Variants in XKR4 observed in about 807,000 individuals in gnomAD.
XKR4 encodes XK related 4.
Under a neutral mutation model 53.9 loss-of-function variants are expected in XKR4, and 12 were observed. That is an observed-to-expected ratio of 0.22 (90% confidence interval 0.14 to 0.36). The LOEUF is 0.36. Among genes scored for constraint, XKR4 ranks in the 10% least tolerant of loss-of-function variants. XKR4 has a pLI of 1.00. For missense variants in XKR4, 799 were observed against 859.5 expected (o/e 0.93, Z 0.88); for synonymous variants, 354 against 362.4 (o/e 0.98, Z 0.26).
chr8:55,297,523 T>G (rs547206174), intron 1 of XKR4, among the ~76,000 whole-genome samples: 5 of 152,296 alleles, frequency 3.3e-5, no homozygotes, highest in African/African-American at 1.2e-4. Flanking sequence ...CAGGGTGGCA[T>G]ATAATCTGGC....
intron 1 of XKR4, among the ~76,000 whole-genome samples, chr8:55,316,451 T>C (rs1254537480): frequency 6.6e-6 from 1 of 152,218 alleles, no homozygotes; most frequent in Non-Finnish European, 1.5e-5. Context: ...ATATACTCCT[T>C]TTGTCAAAGG....
chr8:55,142,360 A>G (rs1355530122), intron 1 of XKR4: 1 of 355,096 alleles, frequency 2.8e-6, no homozygotes, highest in Non-Finnish European at 5.6e-6. Flanking sequence ...ATCCTGATTA[A>G]CGGTCTGTCC....
chr8:55,338,724 G>A (rs1031382974), intron 1 of XKR4, among the ~76,000 whole-genome samples: 2 of 152,160 alleles, frequency 1.3e-5, no homozygotes, highest in Admixed American at 1.3e-4. Context: ...AAAGAGAACC[G>A]AGAGGACACA....
intron 1 of XKR4, among the ~76,000 whole-genome samples, chr8:55,134,951 AT>A (rs11301687): frequency 0.85 from 127,901 of 149,868 alleles, 54,558 homozygotes; most frequent in East Asian, 0.95. Context: ...GAGAAGCTGG[AT>A]TTTTTTTTTT....
rs192415783 is a variant in XKR4, at chr8:55,521,682, G to T, written c.1007-1599G>T. ...GAAAATATTTTCCTTATCAATAATT[G>T]TTCTTTGGAGTTCACCTTACTCAAC... is the stretch of plus-strand genomic sequence containing the variant. On this transcript the variant is annotated intron_variant, in intron 2 of 2. Coordinates refer to ENST00000327381, the MANE Select transcript of XKR4 (RefSeq NM_052898.2). Among the ~76,000 whole-genome samples, 1,016 of 152,310 alleles carry T rather than the reference G, an allele frequency of 6.7e-3. 10 individuals carry two copies. The highest frequency in any genetic ancestry group is 6.8e-3 in the Middle Eastern group (2 of 294).
chr8:55,454,653 C>A, intron 2 of XKR4: 1 of 1,022,662 alleles, frequency 9.8e-7, no homozygotes, highest in Non-Finnish European at 1.5e-6. Context: ...TGCACGTCAG[C>A]AGGTTCCCAA....
intron 1 of XKR4, among the ~76,000 whole-genome samples, chr8:55,302,542 G>A (rs1343689005): frequency 9.2e-5 from 14 of 152,162 alleles, no homozygotes; most frequent in Non-Finnish European, 5.9e-5. Context: ...GAAAGTCATT[G>A]GTAGCTTGAT....
At chr8:55,305,870 A>G (rs553171355) in intron 1 of XKR4, among the ~76,000 whole-genome samples, 50 of 152,148 alleles carry the variant, frequency 3.3e-4, no homozygotes, top group African/African-American at 1.2e-3. Flanking sequence ...ACTCTTTCCT[A>G]CCCCCAATTA....
At chr8:55,441,239 C>CA (rs1353404392) in intron 2 of XKR4, among the ~76,000 whole-genome samples, 4 of 143,140 alleles carry the variant, frequency 2.8e-5, no homozygotes, top group African/African-American at 1.0e-4. Context: ...GACCCTGTCT[C>CA]AAGAAAAAAC....
intron 2 of XKR4, among the ~76,000 whole-genome samples, chr8:55,447,250 T>C (rs1276590199): frequency 6.6e-6 from 1 of 152,086 alleles, no homozygotes; most frequent in East Asian, 1.9e-4. Context: ...TAGAAACCAT[T>C]CTATGTGGCA....
intron 1 of XKR4, among the ~76,000 whole-genome samples, chr8:55,113,224 G>A (rs1257747328): frequency 1.3e-5 from 2 of 152,214 alleles, no homozygotes; most frequent in Non-Finnish European, 2.9e-5. Context: ...TAACAAGCAT[G>A]TCCAAATACT....
In XKR4 at chr8:55,438,699, T is replaced by C. The variant is rs762405583; in HGVS notation, c.1006+80822T>C. Among the ~76,000 whole-genome samples, 5 of 151,764 alleles carry C rather than the reference T, an allele frequency of 3.3e-5. No homozygotes were observed. The South Asian group carries it at 1.0e-3, about 32-fold the overall frequency. On this transcript the variant is annotated intron_variant, in intron 2 of 2. Transcript: ENST00000327381. ...TGGTGATCTTCTATGCCTGACAATA[T>C]GGCTTATTATATAAAGAAAGAAAAC...
chr8:55,451,103 T>A, intron 2 of XKR4: 1 of 515,724 alleles, frequency 1.9e-6, no homozygotes, highest in Non-Finnish European at 3.5e-6. Flanking sequence ...TGAGCTGGCC[T>A]TTGTCCCCGA....
intron 2 of XKR4, among the ~76,000 whole-genome samples, chr8:55,477,759 C>A (rs1000744810): frequency 2.6e-5 from 4 of 152,030 alleles, no homozygotes; most frequent in Middle Eastern, 3.2e-3. Context: ...GTGAAGAATG[C>A]AAAAGCCTCA....
chr8:55,478,381 A>G (rs1485337904), intron 2 of XKR4, among the ~76,000 whole-genome samples: 1 of 152,060 alleles, frequency 6.6e-6, no homozygotes, highest in African/African-American at 2.4e-5. Context: ...GCCTGCCCTA[A>G]AAGAGCTCCT....
At chr8:55,521,331 A>G (rs918569734) in intron 2 of XKR4, among the ~76,000 whole-genome samples, 4 of 152,206 alleles carry the variant, frequency 2.6e-5, no homozygotes, top group Admixed American at 6.5e-5. Flanking sequence ...TCGCATAGTC[A>G]TTATCCCATT....
chr8:55,374,334 T>A (rs2129386507), intron 2 of XKR4, among the ~76,000 whole-genome samples: 1 of 152,204 alleles, frequency 6.6e-6, no homozygotes, highest in East Asian at 1.9e-4. Context: ...GAGCAGCATA[T>A]GAATAAGTGC....
At position 55,293,629 on chromosome 8, in the gene XKR4, G is replaced by C. The variant is rs1819062246; in HGVS notation, c.807-64049G>C. The stretch of plus-strand genomic sequence containing the variant: ...TTAGTAAAATCATGATGTAATTTTA[G>C]TAAAATTGCAGATATTCTATCAGGA... On this transcript the variant is annotated intron_variant, in intron 1 of 2. Coordinates refer to ENST00000327381, the MANE Select transcript of XKR4 (RefSeq NM_052898.2). Among the ~76,000 whole-genome samples, 4 of 152,028 alleles carry C rather than the reference G, an allele frequency of 2.6e-5. No homozygotes were observed. The South Asian group carries it at 8.3e-4, about 32-fold the overall frequency.
chr8:55,477,736 G>T (rs1235683890), intron 2 of XKR4, among the ~76,000 whole-genome samples: 11 of 152,086 alleles, frequency 7.2e-5, no homozygotes, highest in African/African-American at 2.7e-4. Context: ...GAAAGCCAAG[G>T]CTCGAGAACT....
Sources: allele counts gnomAD v4.1 joint callset (sites outside exome capture counted in the v4.1 genomes callset), GRCh38; gene constraint gnomAD v4.1.1; transcripts MANE v1.5; gene names NCBI Gene and HGNC (gene_info 2026-07-23, HGNC 2026-07-21).